Variants in DNMBP observed in about 807,000 individuals in gnomAD.
DNMBP encodes dynamin-binding protein.
In DNMBP, 87 loss-of-function variants were observed where a neutral mutation model predicts 150.0. That is an observed-to-expected ratio of 0.58 (90% CI 0.49 to 0.69). The LOEUF (loss-of-function observed/expected upper bound fraction) is 0.69. Among genes scored for constraint, DNMBP ranks in the 30% least tolerant of loss-of-function variants. The pLI is 0.00. For synonymous variants in DNMBP, 711 were observed against 750.4 expected (o/e 0.95, Z 0.86); for missense variants, 1,774 against 1,949.0 (o/e 0.91, Z 1.69).
chr10:99,901,784 A>T (rs1392645161), intron 6 of DNMBP, among the ~76,000 whole-genome samples: 3 of 151,666 alleles, frequency 2.0e-5, no homozygotes, highest in Admixed American at 6.6e-5. Flanking sequence ...ACAACCAACC[A>T]TCCCTACCAG....
chr10:99,977,196 T>C (rs1299279832), intron 1 of DNMBP, among the ~76,000 whole-genome samples: 1 of 152,190 alleles, frequency 6.6e-6, no homozygotes. Context: ...AGAAGGGTAC[T>C]GAAGTCACGG....
chr10:99,894,907 A>G (rs2039627996), intron 11 of DNMBP, 39 bp downstream of exon 11: 3 of 1,452,004 alleles, frequency 2.1e-6, no homozygotes, highest in South Asian at 1.1e-5. Context: ...ACAGAATTAC[A>G]TCGTATGTTA....
intron 4 of DNMBP, among the ~76,000 whole-genome samples, chr10:99,933,713 GA>G (rs910700386): frequency 1.3e-5 from 2 of 152,154 alleles, no homozygotes; most frequent in South Asian, 2.1e-4. Flanking sequence ...GCCAGAGGGG[GA>G]AAAATCACTT....
chr10:99,918,840 C>T (rs2039993815), intron 4 of DNMBP, among the ~76,000 whole-genome samples: 1 of 152,180 alleles, frequency 6.6e-6, no homozygotes, highest in Non-Finnish European at 1.5e-5. Flanking sequence ...TTTCTGAACA[C>T]TCACCAAATA....
chr10:99,925,512 T>A (rs2040069376), intron 4 of DNMBP, among the ~76,000 whole-genome samples: 1 of 151,972 alleles, frequency 6.6e-6, no homozygotes. Context: ...ACCTCCTGGG[T>A]TCAAGCGATT....
chr10:99,985,831 A>G (rs1396888144), intron 1 of DNMBP, among the ~76,000 whole-genome samples: 1 of 152,110 alleles, frequency 6.6e-6, no homozygotes. Flanking sequence ...GCTCACTGCA[A>G]CCTCTGCCTC....
chr10:100,006,267 A>G (rs1188907195), intron 1 of DNMBP, among the ~76,000 whole-genome samples: 4 of 152,232 alleles, frequency 2.6e-5, no homozygotes. Context: ...AGCTACAGGC[A>G]GGTTGGTGTC....
At chr10:99,938,521 G>C (rs146182787) in intron 4 of DNMBP, among the ~76,000 whole-genome samples, 1,766 of 152,230 alleles carry the variant, frequency 0.012, 39 homozygotes, top group African/African-American at 0.039. Flanking sequence ...TTCCAGCCTC[G>C]GTGACACAGT....
chr10:100,001,135 G>T (rs1353111710), intron 1 of DNMBP, among the ~76,000 whole-genome samples: 7 of 147,278 alleles, frequency 4.8e-5, no homozygotes, highest in Non-Finnish European at 1.0e-4. Context: ...GGAGGCTAAG[G>T]CAGGAGAATT....
chr10:99,879,084 C>CAAAAAAAAAA (rs71009780), intron 16 of DNMBP, among the ~76,000 whole-genome samples: 835 of 62,274 alleles, frequency 0.013, 51 homozygotes, highest in African/African-American at 0.046. Context: ...GACTCTGTCT[C>CAAAAAAAAAA]AAAAAAAAAA....
intron 2 of DNMBP, among the ~76,000 whole-genome samples, chr10:99,971,000 G>GAAAAAAAAAA (rs1554871865): frequency 1.8e-5 from 2 of 112,006 alleles, no homozygotes; most frequent in African/African-American, 6.5e-5. Flanking sequence ...AAAAAAAAAG[G>GAAAAAAAAAA]AAAGCAGTAG....
chr10:99,955,524 T>A lies in DNMBP; in HGVS notation c.1950A>T (p.Ser650=). The change falls in exon 4 of 17, where the codon TCA becomes TCT. Residue 650 remains serine (S), a synonymous_variant. Transcript: ENST00000324109. ...ATACCGCATTCGTTCTCTGCTGTGC[T>A]GAGGGAGGCAGGGGAGCTGGGCGAG... ...RPSRPAPLPP[S]AQQRTNAVSP... 2 of 1,597,980 alleles carry A rather than the reference T, an allele frequency of 1.3e-6. No individual in the cohort carries two copies.
At chr10:100,003,723 T>C (rs1229311064) in intron 1 of DNMBP, among the ~76,000 whole-genome samples, 1 of 151,628 alleles carries the variant, frequency 6.6e-6, no homozygotes, top group Non-Finnish European at 1.5e-5. Context: ...AAAAAACTTA[T>C]AAAAATATTT....
At chr10:99,919,834 C>T (rs1463268835) in intron 4 of DNMBP, among the ~76,000 whole-genome samples, 1 of 152,182 alleles carries the variant, frequency 6.6e-6, no homozygotes, top group Non-Finnish European at 1.5e-5. Flanking sequence ...CTAAAGCATT[C>T]TGTAGTTTCA....
intron 11 of DNMBP, among the ~76,000 whole-genome samples, chr10:99,892,257 T>A (rs2039584037): frequency 6.7e-6 from 1 of 149,774 alleles, no homozygotes; most frequent in African/African-American, 2.5e-5. Flanking sequence ...CTGGGAGGTG[T>A]GCCCAACAGC....
intron 4 of DNMBP, chr10:99,930,730 C>T: frequency 1.5e-6 from 1 of 682,162 alleles, no homozygotes; most frequent in East Asian, 2.7e-5. Flanking sequence ...TCCTCCACTT[C>T]CCTTTCTTTT....
chr10:99,881,760 C>T (rs1180758182), intron 15 of DNMBP, among the ~76,000 whole-genome samples: 1 of 152,156 alleles, frequency 6.6e-6, no homozygotes. Flanking sequence ...CTTCGTGTCC[C>T]ACTTTTAATC....
At position 99,880,077 on chromosome 10, in the gene DNMBP, C is replaced by G. The variant is rs2039341384; in HGVS notation, c.4282G>C (p.Glu1428Gln). The change falls in exon 16 of 17, where the codon GAG becomes CAG. Residue 1428 changes from glutamate (E) to glutamine (Q), a missense_variant. Transcript: ENST00000324109. Reference protein sequence around the residue: ...LSASLNPSNSESSPSRCPSDP... With the variant: ...LSASLNPSNSQSSPSRCPSDP... ...GAAGGGCATCTGGAAGGACTACTCT[C>G]TGAATTACTCGGATTTAGGGATGCA... is the stretch of plus-strand genomic sequence containing the variant. The G allele has an allele frequency of 1.9e-6, 3 of 1,614,068 alleles. No homozygotes were observed. Among genetic ancestry groups the G allele is most frequent in the Non-Finnish European group, 1.7e-6 (2 of 1,180,036 alleles).
intron 4 of DNMBP, among the ~76,000 whole-genome samples, chr10:99,913,525 A>G (rs893608620): frequency 8.5e-5 from 13 of 152,136 alleles, no homozygotes; most frequent in Non-Finnish European, 1.8e-4. Flanking sequence ...ACGAGCTCTT[A>G]CTTTCTTCCT....
Sources: allele counts gnomAD v4.1 joint callset (sites outside exome capture counted in the v4.1 genomes callset), GRCh38; gene constraint gnomAD v4.1.1; transcripts MANE v1.5; gene names NCBI Gene and HGNC (gene_info 2026-07-23, HGNC 2026-07-21).